Variants in PKIB observed in about 807,000 individuals in gnomAD.
PKIB encodes cAMP-dependent protein kinase inhibitor beta, also known as PKI-beta.
In PKIB, 2 loss-of-function variants were observed where a neutral mutation model predicts 4.5. That is an observed-to-expected ratio of 0.44 (90% CI 0.18 to 1.39). The LOEUF (loss-of-function observed/expected upper bound fraction) is 1.39, where lower values mean the gene tolerates loss of function less well. Ranked by LOEUF, PKIB falls within the 40% of genes most tolerant of loss-of-function variation. The probability of loss-of-function intolerance (pLI) is 0.27; values close to 1 mark genes in which losing one functional copy is unlikely to be tolerated. For synonymous variants in PKIB, 38 were observed against 36.0 expected (o/e 1.06, Z -0.20); for missense variants, 94 against 92.6 (o/e 1.02, Z -0.06).
intron 3 of PKIB, among the ~76,000 whole-genome samples, chr6:122,700,640 A>G (rs1582825396): frequency 6.6e-6 from 1 of 152,162 alleles, no homozygotes; most frequent in East Asian, 1.9e-4. Context: ...CCACTGCCCT[A>G]CCGTTTCTGT....
At chr6:122,579,495 T>C (rs963587076) in intron 2 of PKIB, among the ~76,000 whole-genome samples, 2 of 152,056 alleles carry the variant, frequency 1.3e-5, no homozygotes, top group African/African-American at 4.8e-5. Flanking sequence ...TTTAATTTTC[T>C]GTACTACATT....
At chr6:122,712,489 G>A (rs1779312231) in intron 3 of PKIB, among the ~76,000 whole-genome samples, 1 of 152,214 alleles carries the variant, frequency 6.6e-6, no homozygotes, top group Admixed American at 6.5e-5. Context: ...GAGCTGGAGA[G>A]AGGTAGATAA....
At chr6:122,642,821 T>C (rs955255085) in intron 2 of PKIB, among the ~76,000 whole-genome samples, 3 of 152,210 alleles carry the variant, frequency 2.0e-5, no homozygotes, top group African/African-American at 7.2e-5. Context: ...GGCCTGCAAT[T>C]TCCTTTACCT....
intron 3 of PKIB, among the ~76,000 whole-genome samples, chr6:122,695,865 C>T (rs112242910): frequency 1.6e-4 from 25 of 152,214 alleles, no homozygotes; most frequent in African/African-American, 6.0e-4. Flanking sequence ...TCTCTCTTCT[C>T]TCCCTCCCTC....
intron 2 of PKIB, among the ~76,000 whole-genome samples, chr6:122,666,108 G>C (rs920102605): frequency 6.6e-6 from 1 of 152,146 alleles, no homozygotes; most frequent in Non-Finnish European, 1.5e-5. Flanking sequence ...TGTCTCCAAA[G>C]CTCGTGTGCA....
chr6:122,653,593 C>T (rs1776653614), intron 2 of PKIB, among the ~76,000 whole-genome samples: 1 of 150,678 alleles, frequency 6.6e-6, no homozygotes, highest in South Asian at 2.1e-4. Flanking sequence ...ACTTTATTCT[C>T]TCTATTAAAC....
intron 2 of PKIB, among the ~76,000 whole-genome samples, chr6:122,639,236 G>C (rs143019076): frequency 6.6e-6 from 1 of 152,054 alleles, no homozygotes; most frequent in Non-Finnish European, 1.5e-5. Flanking sequence ...GTGAATTCTC[G>C]AGGGGAAAAT....
chr6:122,544,412 A>G, intron 2 of PKIB, among the ~76,000 whole-genome samples: 1 of 151,962 alleles, frequency 6.6e-6, no homozygotes, highest in Admixed American at 6.6e-5. Context: ...AAATTGTCTG[A>G]GCATAACCTG....
At chr6:122,684,066 G>A (rs1335664985) in intron 3 of PKIB, among the ~76,000 whole-genome samples, 1 of 152,154 alleles carries the variant, frequency 6.6e-6, no homozygotes, top group Non-Finnish European at 1.5e-5. Flanking sequence ...TAAACTTTGA[G>A]GTGAAATAAG....
At chr6:122,478,054 C>T (rs1161869556) in intron 2 of PKIB, 1 of 152,138 alleles carries the variant, frequency 6.6e-6, no homozygotes. Flanking sequence ...TGTTTGGTAG[C>T]ATCTGGCTGT....
chr6:122,579,760 A>T (rs539226164), intron 2 of PKIB, among the ~76,000 whole-genome samples: 4 of 152,198 alleles, frequency 2.6e-5, no homozygotes, highest in Non-Finnish European at 4.4e-5. Flanking sequence ...CTGCAAATAA[A>T]GCAGCAACCT....
chr6:122,590,345 A>G (rs1462896051), intron 3 of PKIB, among the ~76,000 whole-genome samples: 3 of 152,160 alleles, frequency 2.0e-5, no homozygotes, highest in Non-Finnish European at 4.4e-5. Flanking sequence ...TAAATTTTGA[A>G]ACCTGGTTCC....
At chr6:122,681,463 T>C (rs1344702719) in intron 3 of PKIB, among the ~76,000 whole-genome samples, 1 of 152,218 alleles carries the variant, frequency 6.6e-6, no homozygotes. Flanking sequence ...TACAATATTG[T>C]TTTATTATAC....
At chr6:122,491,611 C>T (rs1444104751) in intron 2 of PKIB, among the ~76,000 whole-genome samples, 1 of 152,182 alleles carries the variant, frequency 6.6e-6, no homozygotes, top group Non-Finnish European at 1.5e-5. Flanking sequence ...AAGTGAACAG[C>T]TGAAAGATGT....
intron 1 of PKIB, among the ~76,000 whole-genome samples, chr6:122,616,240 A>C (rs939297641): frequency 2.0e-5 from 3 of 152,200 alleles, no homozygotes; most frequent in African/African-American, 7.2e-5. Flanking sequence ...AGGTATGTAG[A>C]GCTTCAAAAT....
chr6:122,694,401 G>A (rs1438377830), intron 3 of PKIB, among the ~76,000 whole-genome samples: 3 of 152,118 alleles, frequency 2.0e-5, no homozygotes, highest in Non-Finnish European at 4.4e-5. Context: ...TCAGTAAATA[G>A]GTGTTTTATT....
chr6:122,603,705 T>C (rs989441573), intron 3 of PKIB, among the ~76,000 whole-genome samples: 2 of 152,186 alleles, frequency 1.3e-5, no homozygotes, highest in African/African-American at 4.8e-5. Context: ...GGTCTTGAAC[T>C]CGTGGCCTCA....
intron 2 of PKIB, among the ~76,000 whole-genome samples, chr6:122,548,288 G>T (rs1345388554): frequency 6.6e-6 from 1 of 152,072 alleles, no homozygotes; most frequent in Non-Finnish European, 1.5e-5. Context: ...CTACAGTGAG[G>T]ATTTTAAAAG....
At chr6:122,577,975 A>G (rs1773598626) in intron 2 of PKIB, among the ~76,000 whole-genome samples, 1 of 152,050 alleles carries the variant, frequency 6.6e-6, no homozygotes, top group Non-Finnish European at 1.5e-5. Context: ...AACTGGGATA[A>G]ACAGACAAAA....
Sources: allele counts gnomAD v4.1 joint callset (sites outside exome capture counted in the v4.1 genomes callset), GRCh38; gene constraint gnomAD v4.1.1; transcripts MANE v1.5; gene names NCBI Gene and HGNC (gene_info 2026-07-23, HGNC 2026-07-21).